The following MAP1B variants were observed in gnomAD, a reference collection of about 807,000 sequenced individuals.
MAP1B encodes microtubule associated protein 1B, also known as microtubule-associated protein 1B.
Under a neutral mutation model 176.1 loss-of-function variants are expected in MAP1B, and 12 were observed. The observed-to-expected ratio is 0.07, with a 90% CI of 0.04 to 0.11. The LOEUF (loss-of-function observed/expected upper bound fraction) is 0.11, where lower values mean the gene tolerates loss of function less well. MAP1B is among the 10% of genes least tolerant of loss of function. The pLI is 1.00. For synonymous variants in MAP1B, 1,044 were observed against 1,135.0 expected (o/e 0.92, Z 1.61); for missense variants, 2,523 against 2,990.5 (o/e 0.84, Z 3.65).
Position 72,198,964 on chromosome 5 carries a change from A to C in MAP1B, c.5609A>C (p.Tyr1870Ser). 6.2e-7 allele frequency: 1 copy of C among 1,614,194 alleles called. No individual in the cohort carries two copies. The highest frequency in any genetic ancestry group is 1.1e-5 in the South Asian group (1 of 91,086). The part of the protein sequence containing the change: ...SGGKTPGDFS[Y>S]AYQKPEETTR... ...GGGAAGACACCTGGTGACTTTAGCT[A>C]TGCCTATCAAAAGCCTGAGGAAACA... is the stretch of plus-strand genomic sequence containing the variant. Residue 1870 changes from tyrosine to serine, a missense_variant, in exon 5 of 7, where the codon TAT becomes TCT. Physicochemically the swap from Tyr to Ser is moderately radical, Grantham distance 144. Coordinates refer to ENST00000296755, the MANE Select transcript of MAP1B (RefSeq NM_005909.5).
chr5:72,125,215 G>A (rs1334393994), intron 2 of MAP1B, among the ~76,000 whole-genome samples: 1 of 152,130 alleles, frequency 6.6e-6, no homozygotes, highest in Non-Finnish European at 1.5e-5. Context: ...AGGAGTTTTT[G>A]GTGGTGCAAT....
intron 2 of MAP1B, among the ~76,000 whole-genome samples, chr5:72,123,678 G>T (rs1328820722): frequency 1.3e-5 from 2 of 152,106 alleles, no homozygotes; most frequent in Non-Finnish European, 2.9e-5. Context: ...TAGAGACAGG[G>T]TTTCACTGTG....
Position 72,193,946 on chromosome 5 carries a change from G to A in MAP1B, c.591G>A (p.Lys197=), listed in dbSNP as rs1459584470. The A allele has an allele frequency of 1.2e-6, 2 of 1,614,102 alleles. No homozygotes were observed. The highest frequency in any genetic ancestry group is 1.7e-5 in the Admixed American group (1 of 60,020). The change falls in exon 5 of 7, where the codon AAG becomes AAA. Residue 197 remains lysine, a synonymous_variant. Transcript: ENST00000296755. ...TLFCPEEGDW[K]NSNLDRHNLQ... ...TCTGTCCTGAAGAAGGGGACTGGAA[G>A]AACTCCAATCTTGACAGACACAATC...
Position 72,200,264 on chromosome 5 carries a change from C to T in MAP1B, c.6909C>T (p.Thr2303=), listed in dbSNP as rs762907656. The T allele has an allele frequency of 1.9e-5, 31 of 1,614,050 alleles. No individual in the cohort carries two copies. Among genetic ancestry groups the T allele is most frequent in the Middle Eastern group, 1.6e-4 (1 of 6,084 alleles). Residue 2303 remains threonine (T), a synonymous_variant, in exon 5 of 7, where the codon ACC becomes ACT. Transcript: ENST00000296755. ...KESVEKAAKP[T]TTPEVKAARG... ...CTGTGGAAAAGGCAGCAAAACCCAC[C>T]ACCACTCCTGAGGTCAAAGCTGCAC...
intron 2 of MAP1B, among the ~76,000 whole-genome samples, chr5:72,162,967 C>T (rs1380826990): frequency 2.6e-5 from 4 of 152,020 alleles, no homozygotes; most frequent in Non-Finnish European, 5.9e-5. Context: ...TGGGGGCTCA[C>T]GCCTGTAATC....
At chr5:72,128,614 A>G (rs1745670531) in intron 2 of MAP1B, among the ~76,000 whole-genome samples, 1 of 152,130 alleles carries the variant, frequency 6.6e-6, no homozygotes, top group African/African-American at 2.4e-5. Flanking sequence ...TACTTCCTGT[A>G]TCCCCTTGCC....
chr5:72,205,261 C>G lies in MAP1B; in HGVS notation c.*22C>G. The G allele has an allele frequency of 6.3e-7, 1 of 1,593,498 alleles. No individual in the cohort carries two copies. The highest frequency in any genetic ancestry group is 8.5e-7 in the Non-Finnish European group (1 of 1,171,670). ...GTAAAAACCAAGGCCAGCCACACCA[C>G]AGGATCTGAACTTTGTTTCCAGAAA... On this transcript the variant is annotated 3_prime_UTR_variant, in exon 7 of 7. Transcript: ENST00000296755.
Position 72,113,240 on chromosome 5 carries a change from C to T in MAP1B, c.185-2458C>T, listed in dbSNP as rs189723676. On this transcript the variant is annotated intron_variant, in intron 1 of 6. Transcript: ENST00000296755. ...TTTCCTTTCCAACTAAAATAGCTGG[C>T]AAATCCAACATAACCTTTATTTTAT... Among the ~76,000 whole-genome samples the T allele has an allele frequency of 3.3e-5, 5 of 152,218 alleles. No homozygotes were observed. The East Asian group carries it at 9.7e-4, about 29-fold the overall frequency.
rs146506118 is a variant in MAP1B at position 72,197,796 on chromosome 5, G to T, written c.4441G>T (p.Val1481Phe). Residue 1481 changes from valine to phenylalanine, a missense_variant, in exon 5 of 7, where the codon GTT becomes TTT. Coordinates refer to ENST00000296755, the MANE Select transcript of MAP1B (RefSeq NM_005909.5). Reference sequence around the variant, plus strand: ...TGGCCAAGAAAAGAAAACTGATGATGTTGAAGCCATGAGTTCTCAACCAGC... The same window carrying T: ...TGGCCAAGAAAAGAAAACTGATGATTTTGAAGCCATGAGTTCTCAACCAGC... ...DFGQEKKTDD[V>F]EAMSSQPALA... is the part of the protein sequence containing the mutation. 1.2e-6 allele frequency: 2 copies of T among 1,614,232 alleles called. No individual in the cohort carries two copies. Among genetic ancestry groups the T allele is most frequent in the Non-Finnish European group, 1.7e-6 (2 of 1,180,040 alleles).
At chr5:72,115,636 G>A in intron 1 of MAP1B, 62 bp from the exon 2 acceptor site, 1 of 925,348 alleles carries the variant, frequency 1.1e-6, no homozygotes, top group East Asian at 2.4e-5. Context: ...CAGTGATGTT[G>A]TCCAAACCAC....
chr5:72,123,146 T>C (rs1213879305), intron 2 of MAP1B, among the ~76,000 whole-genome samples: 2 of 152,162 alleles, frequency 1.3e-5, no homozygotes, highest in Non-Finnish European at 2.9e-5. Flanking sequence ...CAAGTAATGT[T>C]TTTGAGTGCT....
chr5:72,150,063 A>G (rs1422386679), intron 2 of MAP1B, among the ~76,000 whole-genome samples: 1 of 152,222 alleles, frequency 6.6e-6, no homozygotes, highest in African/African-American at 2.4e-5. Flanking sequence ...CATCTTTTAC[A>G]TACCTAGGTT....
intron 2 of MAP1B, among the ~76,000 whole-genome samples, chr5:72,143,592 T>C (rs1426056848): frequency 6.6e-6 from 1 of 152,240 alleles, no homozygotes; most frequent in Non-Finnish European, 1.5e-5. Flanking sequence ...TTTTCTAAAC[T>C]ACCTTCAGTG....
In MAP1B at chr5:72,203,616, G is replaced by A. The variant is rs1747379490; in HGVS notation, c.7066G>A (p.Val2356Met). 1.2e-6 allele frequency: 2 copies of A among 1,614,070 alleles called. No individual in the cohort carries two copies. The highest frequency in any genetic ancestry group is 1.7e-5 in the Admixed American group (1 of 60,004). The change falls in exon 6 of 7, where the codon GTG becomes ATG. Residue 2356 changes from valine to methionine, a missense_variant. By Grantham distance (21) the Val-to-Met change is conservative. This residue lies in a region of MAP1B where 287 missense variants were observed against 401.5 expected (regional missense o/e 0.71). Coordinates refer to ENST00000296755, the MANE Select transcript of MAP1B (RefSeq NM_005909.5). ...KSSAVPPGLP[V>M]YLDLCYIPNH... ...ATCTGCTGTGCCCCCAGGCCTCCCTGTGTATTTGGACCTGTGCTACATTCC... is the reference window on the plus strand; with the variant it reads ...ATCTGCTGTGCCCCCAGGCCTCCCTATGTATTTGGACCTGTGCTACATTCC...
intron 5 of MAP1B, 55 bp from the exon 6 acceptor site, chr5:72,203,508 G>A: frequency 8.0e-7 from 1 of 1,254,860 alleles, no homozygotes; most frequent in Non-Finnish European, 1.2e-6. Flanking sequence ...TGTGCTGGAT[G>A]TATGGTCTCT....
chr5:72,146,494 C>T (rs1477627495), intron 2 of MAP1B, among the ~76,000 whole-genome samples: 1 of 152,176 alleles, frequency 6.6e-6, no homozygotes, highest in Non-Finnish European at 1.5e-5. Context: ...AAATGCTTCC[C>T]ATGTGCCAGG....
chr5:72,195,360 A>T lies in MAP1B; in HGVS notation c.2005A>T (p.Ile669Phe). 6.3e-7 allele frequency: 1 copy of T among 1,583,648 alleles called. No individual in the cohort carries two copies. Among genetic ancestry groups the T allele is most frequent in the Non-Finnish European group, 8.6e-7 (1 of 1,168,720 alleles). ...EVAKKEDKTP[I>F]KKEEKPKKEE... ...GGCTAAAAAGGAGGACAAAACACCT[A>T]TCAAGAAGGAGGAAAAACCAAAAAA... The change falls in exon 5 of 7, where the codon ATC becomes TTC. Residue 669 changes from isoleucine (I) to phenylalanine (F), a missense_variant. Coordinates refer to ENST00000296755, the MANE Select transcript of MAP1B (RefSeq NM_005909.5).
chr5:72,134,800 G>T (rs758056033), intron 2 of MAP1B, among the ~76,000 whole-genome samples: 1 of 151,440 alleles, frequency 6.6e-6, no homozygotes, highest in Non-Finnish European at 1.5e-5. Flanking sequence ...GAAAAAGGAA[G>T]GCAGAGACTT....
chr5:72,147,438 G>A (rs548566261), intron 2 of MAP1B, among the ~76,000 whole-genome samples: 2 of 151,360 alleles, frequency 1.3e-5, no homozygotes, highest in East Asian at 1.9e-4. Flanking sequence ...GGTAATATGC[G>A]TCACTGGATG....
Sources: gnomAD v4.1 joint callset for allele counts (sites outside exome capture counted in the v4.1 genomes callset) on GRCh38, gnomAD v4.1.1 for gene constraint, gnomAD v4.1.1 regional missense constraint, MANE v1.5 for transcripts, NCBI Gene and HGNC (gene_info 2026-07-23, HGNC 2026-07-21) for gene names.